RAI1: variants seen among roughly 807,000 people sequenced by gnomAD.
RAI1 encodes the protein retinoic acid-induced protein 1.
RAI1 carries 9 observed loss-of-function variants against 123.8 expected under a neutral mutation model. The ratio of observed to expected loss-of-function variants is 0.07; its 90% CI spans 0.04 to 0.13. The LOEUF (loss-of-function observed/expected upper bound fraction) is 0.13, where lower values mean the gene tolerates loss of function less well. Ranked by LOEUF, RAI1 falls within the 10% of genes least tolerant of loss-of-function variation. The probability of loss-of-function intolerance (pLI) is 1.00; values close to 1 mark genes in which losing one functional copy is unlikely to be tolerated. For synonymous variants in RAI1, 1,231 were observed against 1,127.3 expected, an observed-to-expected ratio of 1.09 and a Z score of -1.84; for missense variants, 2,256 against 2,545.8, an observed-to-expected ratio of 0.89 and a Z score of 2.45.
At chr17:17,683,080 T>G (rs944576373) in intron 1 of RAI1, among the ~76,000 whole-genome samples, 3 of 151,996 alleles carry the variant, frequency 2.0e-5, no homozygotes, top group Non-Finnish European at 4.4e-5. Context: ...CCCGCCCCCC[T>G]TTTATGTCTT....
intron 2 of RAI1, among the ~76,000 whole-genome samples, chr17:17,753,424 A>C (rs2030297854): frequency 6.6e-6 from 1 of 152,246 alleles, no homozygotes; most frequent in African/African-American, 2.4e-5. Context: ...CCACAAAACA[A>C]AAGGGAGCTA....
At chr17:17,748,227 G>A (rs576544531) in intron 2 of RAI1, among the ~76,000 whole-genome samples, 1 of 152,254 alleles carries the variant, frequency 6.6e-6, no homozygotes, top group Non-Finnish European at 1.5e-5. Flanking sequence ...GTCTTTACAG[G>A]CTGTTGGAGA....
rs542908784 is a variant in RAI1 at position 17,794,546 on chromosome 17, A to C, written c.1598A>C (p.Asn533Thr). The C allele has an allele frequency of 6.2e-7, 1 of 1,613,026 alleles. No homozygotes were observed. The highest frequency in any genetic ancestry group is 1.3e-5 in the African/African-American group (1 of 74,946). The change falls in exon 3 of 6, where the codon AAC becomes ACC. Residue 533 changes from asparagine to threonine, a missense_variant. Coordinates refer to ENST00000353383, the MANE Select transcript of RAI1 (RefSeq NM_030665.4). ...CTGGAGCGCAGCTTCCTCTACTGCA[A>C]CCAGGCCCGTGGCAGCCCTGCCAGG... ...DPLERSFLYC[N>T]QARGSPARVN...
At chr17:17,750,207 T>C (rs763429190) in intron 2 of RAI1, among the ~76,000 whole-genome samples, 4 of 152,350 alleles carry the variant, frequency 2.6e-5, no homozygotes, top group Admixed American at 6.5e-5. Context: ...GAGAACAGGT[T>C]TTCGTGACTC....
intron 2 of RAI1, among the ~76,000 whole-genome samples, chr17:17,786,442 CAAT>C (rs2031830210): frequency 1.3e-5 from 2 of 152,072 alleles, no homozygotes; most frequent in African/African-American, 4.8e-5. Flanking sequence ...AAGAGGAGAC[CAAT>C]AATAAAGCAA....
At chr17:17,770,055 T>C (rs2031087580) in intron 2 of RAI1, among the ~76,000 whole-genome samples, 2 of 151,136 alleles carry the variant, frequency 1.3e-5, no homozygotes, top group South Asian at 4.2e-4. Flanking sequence ...CTAGGCAGGG[T>C]CTCCCCTGGA....
chr17:17,683,613 C>T (rs967508333), intron 1 of RAI1: 4 of 152,258 alleles, frequency 2.6e-5, no homozygotes, highest in Non-Finnish European at 4.4e-5. Flanking sequence ...GAAGTGGACA[C>T]ATCATTCTGA....
At chr17:17,694,970 C>CA (rs1914973291) in intron 1 of RAI1, among the ~76,000 whole-genome samples, 1 of 152,138 alleles carries the variant, frequency 6.6e-6, no homozygotes, top group Non-Finnish European at 1.5e-5. Context: ...CTCGTTCTCC[C>CA]ACTCCCTGGA....
chr17:17,796,357 C>A lies in RAI1; in HGVS notation c.3409C>A (p.Pro1137Thr), dbSNP rs746755884. 2.5e-6 allele frequency: 4 copies of A among 1,613,490 alleles called. No homozygotes were observed. In the African/African-American group the frequency reaches 5.3e-5, roughly 22 times the overall value. ...CAAGGAGACAGACTCACCCAGCACG[C>A]CTGGCAAGGACCAGCGCTCCATGAT... ...KTKETDSPST[P>T]GKDQRSMILR... Residue 1137 changes from proline to threonine, a missense_variant, in exon 3 of 6, where the codon CCT (proline) becomes ACT (threonine). Physicochemically the swap from Pro to Thr is conservative, Grantham distance 38. Transcript: ENST00000353383. This position sits in a 1 kb window ranked among gnomAD's most constrained non-coding sequence, Gnocchi z 5.8.
intron 1 of RAI1, among the ~76,000 whole-genome samples, chr17:17,696,218 T>C (rs577450853): frequency 5.9e-5 from 9 of 152,344 alleles, no homozygotes; most frequent in African/African-American, 1.7e-4. Context: ...AAACCACTTA[T>C]GATACATCTA....
At position 17,809,230 on chromosome 17, in the gene RAI1, T is replaced by G; in HGVS notation, c.5660-160T>G. 2.7e-6 allele frequency: 2 copies of G among 749,262 alleles called. No homozygotes were observed. Among genetic ancestry groups the G allele is most frequent in the Non-Finnish European group, 2.4e-6 (1 of 413,734 alleles). The allele number at this position is 749,262 out of a possible 1,614,324, so 46.4% of individuals were successfully genotyped here. ...ACCCGCGCCGTGGAGTGGAGTGGAG[T>G]GTGGAGGGTTTTGTGCAGAATCTGA... On this transcript the variant is annotated intron_variant, in intron 4 of 5. Transcript: ENST00000353383. The surrounding 1 kb of genome is among the most constrained non-coding windows in gnomAD (Gnocchi z 4.9).
At chr17:17,731,258 C>T (rs1032472863) in intron 2 of RAI1, among the ~76,000 whole-genome samples, 14 of 152,252 alleles carry the variant, frequency 9.2e-5, no homozygotes, top group African/African-American at 3.1e-4. Flanking sequence ...GTGTTTCATT[C>T]CCTTCAGTCC....
chr17:17,775,745 C>A (rs912476379), intron 2 of RAI1, among the ~76,000 whole-genome samples: 5 of 152,024 alleles, frequency 3.3e-5, no homozygotes, highest in African/African-American at 1.2e-4. Flanking sequence ...GTCTTGCTGT[C>A]TCGGGTGGTG....
At chr17:17,773,989 GGTAA>G (rs1295103424) in intron 2 of RAI1, among the ~76,000 whole-genome samples, 5 of 151,710 alleles carry the variant, frequency 3.3e-5, no homozygotes, top group Non-Finnish European at 7.4e-5. Context: ...AATTACATCA[GGTAA>G]GTAATTACTT....
At chr17:17,723,281 G>A (rs1313765803) in intron 1 of RAI1, among the ~76,000 whole-genome samples, 1 of 150,982 alleles carries the variant, frequency 6.6e-6, no homozygotes, top group Non-Finnish European at 1.5e-5. Context: ...GCCCCACGCA[G>A]CGCCACATCA....
intron 2 of RAI1, among the ~76,000 whole-genome samples, chr17:17,735,607 T>C (rs1567859871): frequency 6.6e-6 from 1 of 152,202 alleles, no homozygotes; most frequent in Non-Finnish European, 1.5e-5. Context: ...TCCACCTGCC[T>C]CAGCCTCCCA....
chr17:17,774,655 G>A (rs1461106789), intron 2 of RAI1, among the ~76,000 whole-genome samples: 2 of 152,250 alleles, frequency 1.3e-5, no homozygotes, highest in African/African-American at 2.4e-5. Flanking sequence ...CTTCCCGGCC[G>A]CACCTCCACA....
At position 17,687,475 on chromosome 17, in the gene RAI1, C is replaced by T. The variant is rs372597567; in HGVS notation, c.-149+5682C>T. Among the ~76,000 whole-genome samples the T allele has an allele frequency of 9.9e-5, 15 of 152,270 alleles. No individual in the cohort carries two copies. The East Asian group carries it at 1.4e-3, about 14-fold the overall frequency. ...ACAGGGACAGCAGGCATGCTCAGAG[C>T]GTCTGCAGGCCCATGGTCAGGGGGC... On this transcript the variant is annotated intron_variant, in intron 1 of 5. Coordinates refer to ENST00000353383, the MANE Select transcript of RAI1 (RefSeq NM_030665.4).
chr17:17,801,794 C>A lies in RAI1; in HGVS notation c.5566-1962C>A, dbSNP rs1332633446. 6.6e-6 allele frequency among the ~76,000 whole-genome samples: 1 copy of A among 152,220 alleles called. No homozygotes were observed. The highest frequency in any genetic ancestry group is 2.4e-5 in the African/African-American group (1 of 41,458). ...ATGTGGGGTCCTGTGGGCCCCTACT[C>A]CAGCCTGGAGGCAGCTGCAGGGGTC... On this transcript the variant is annotated intron_variant, in intron 3 of 5. Transcript: ENST00000353383. This position sits in a 1 kb window ranked among gnomAD's most constrained non-coding sequence, Gnocchi z 4.1.
Sources: gnomAD v4.1 joint callset for allele counts (sites outside exome capture counted in the v4.1 genomes callset) on GRCh38, gnomAD v4.1.1 for gene constraint, Gnocchi (gnomAD v3.1) non-coding constraint, MANE v1.5 for transcripts, NCBI Gene and HGNC (gene_info 2026-07-23, HGNC 2026-07-21) for gene names.